PLA2G4A: variants seen among roughly 807,000 people sequenced by gnomAD.
The protein encoded by PLA2G4A is cytosolic phospholipase A2.
A neutral mutation model predicts 81.9 loss-of-function variants in PLA2G4A; 40 were observed. That is an observed-to-expected ratio of 0.49 (90% CI 0.38 to 0.64). PLA2G4A has a LOEUF of 0.64. PLA2G4A is among the 30% of genes least tolerant of loss of function. The pLI, the probability that PLA2G4A is intolerant of heterozygous loss-of-function variation, is 0.00. For synonymous variants in PLA2G4A, 302 were observed against 296.9 expected (o/e 1.02, Z -0.18); for missense variants, 715 against 905.1 (o/e 0.79, Z 2.69).
intron 15 of PLA2G4A, among the ~76,000 whole-genome samples, chr1:186,968,613 T>C (rs1431146843): frequency 6.6e-6 from 1 of 151,884 alleles, no homozygotes. Flanking sequence ...ATACTATCTC[T>C]GTATACAGAT....
chr1:186,835,386 T>C (rs936594641), intron 1 of PLA2G4A, among the ~76,000 whole-genome samples: 4 of 152,228 alleles, frequency 2.6e-5, no homozygotes, highest in African/African-American at 4.8e-5. Context: ...TTTTAAAACA[T>C]ATATTTGATG....
At chr1:186,885,876 G>A (rs1417427501) in intron 3 of PLA2G4A, among the ~76,000 whole-genome samples, 1 of 151,838 alleles carries the variant, frequency 6.6e-6, no homozygotes, top group African/African-American at 2.4e-5. Flanking sequence ...AGACAAATAA[G>A]GAAATAAAAT....
At chr1:186,857,141 A>AATATTCTATAATTAT (rs1652595480) in intron 2 of PLA2G4A, among the ~76,000 whole-genome samples, 1 of 38,382 alleles carries the variant, frequency 2.6e-5, no homozygotes, top group Non-Finnish European at 4.8e-5. Flanking sequence ...TATATTATAT[A>AATATTCTATAATTAT]ATTATATAAT....
intron 7 of PLA2G4A, among the ~76,000 whole-genome samples, chr1:186,927,495 A>C (rs1421430494): frequency 6.6e-6 from 1 of 152,190 alleles, no homozygotes; most frequent in East Asian, 1.9e-4. Context: ...TCCCCTAAAA[A>C]CTAGCCATAC....
chr1:186,912,812 A>C (rs901997698), intron 7 of PLA2G4A, among the ~76,000 whole-genome samples: 10 of 143,672 alleles, frequency 7.0e-5, no homozygotes, highest in East Asian at 2.0e-4. Context: ...ATATATATAC[A>C]TATATATGTA....
At chr1:186,950,471 T>G (rs1656516304) in intron 12 of PLA2G4A, among the ~76,000 whole-genome samples, 186 bp from the exon 13 acceptor site, 2 of 152,130 alleles carry the variant, frequency 1.3e-5, no homozygotes, top group Non-Finnish European at 2.9e-5. Context: ...AAATTTTGTT[T>G]CCAGTGAGAA....
intron 6 of PLA2G4A, among the ~76,000 whole-genome samples, chr1:186,909,961 A>T (rs911560025): frequency 6.6e-6 from 1 of 152,130 alleles, no homozygotes; most frequent in East Asian, 1.9e-4. Flanking sequence ...CCCAAAATGG[A>T]TGCATGAGAA....
intron 7 of PLA2G4A, among the ~76,000 whole-genome samples, chr1:186,922,550 A>T (rs1655390176): frequency 6.6e-6 from 1 of 152,154 alleles, no homozygotes. Context: ...TGCTCTCAGG[A>T]TCTGCTTTGC....
intron 3 of PLA2G4A, among the ~76,000 whole-genome samples, chr1:186,871,174 C>T (rs1352490229): frequency 1.3e-5 from 2 of 152,084 alleles, no homozygotes; most frequent in Non-Finnish European, 1.5e-5. Flanking sequence ...TGGTATAGGA[C>T]AGCCTGAAAT....
intron 2 of PLA2G4A, among the ~76,000 whole-genome samples, chr1:186,855,537 A>T (rs150564327): frequency 6.6e-6 from 1 of 152,166 alleles, no homozygotes; most frequent in Non-Finnish European, 1.5e-5. Flanking sequence ...ACTTGCTCAT[A>T]TACCTTCTAG....
At chr1:186,909,437 G>T (rs180933923) in intron 6 of PLA2G4A, among the ~76,000 whole-genome samples, 2 of 151,356 alleles carry the variant, frequency 1.3e-5, no homozygotes, top group East Asian at 3.9e-4. Context: ...GAAGTGGGTT[G>T]ATTACCCGAG....
chr1:186,949,527 C>T (rs1329716039), intron 12 of PLA2G4A, among the ~76,000 whole-genome samples: 1 of 151,998 alleles, frequency 6.6e-6, no homozygotes, highest in African/African-American at 2.4e-5. Context: ...TTAACATCTC[C>T]CACACCTCTG....
intron 8 of PLA2G4A, among the ~76,000 whole-genome samples, chr1:186,935,654 A>G (rs1489791784): frequency 1.3e-5 from 2 of 151,998 alleles, no homozygotes; most frequent in Non-Finnish European, 2.9e-5. Context: ...AAAGGTGGCC[A>G]GGATGATTCA....
intron 16 of PLA2G4A, among the ~76,000 whole-genome samples, chr1:186,978,029 C>G (rs1312340023): frequency 6.6e-6 from 1 of 152,228 alleles, no homozygotes; most frequent in African/African-American, 2.4e-5. Flanking sequence ...GCAAAAATCT[C>G]TGGGACTTTA....
intron 17 of PLA2G4A, among the ~76,000 whole-genome samples, chr1:186,979,929 C>CGTAACA (rs1657660568): frequency 6.8e-6 from 1 of 146,240 alleles, no homozygotes; most frequent in South Asian, 2.2e-4. Flanking sequence ...CATCACAAAA[C>CGTAACA]GTAACAGCAT....
At chr1:186,895,016 A>T (rs1654285468) in intron 5 of PLA2G4A, among the ~76,000 whole-genome samples, 1 of 151,938 alleles carries the variant, frequency 6.6e-6, no homozygotes, top group African/African-American at 2.4e-5. Flanking sequence ...ATTCACCTCA[A>T]CCTACCTCTC....
intron 2 of PLA2G4A, among the ~76,000 whole-genome samples, chr1:186,854,978 A>G (rs1652498659): frequency 1.3e-5 from 2 of 152,106 alleles, no homozygotes; most frequent in Middle Eastern, 6.8e-3. Flanking sequence ...ACTCAGGTTT[A>G]TAAGAAGTAG....
At chr1:186,943,355 G>A (rs1656225177) in intron 10 of PLA2G4A, among the ~76,000 whole-genome samples, 1 of 152,160 alleles carries the variant, frequency 6.6e-6, no homozygotes, top group Non-Finnish European at 1.5e-5. Context: ...TTCCACTGGT[G>A]AATAAACTGC....
chr1:186,922,110 C>T (rs1356665954), intron 7 of PLA2G4A, among the ~76,000 whole-genome samples: 2 of 152,138 alleles, frequency 1.3e-5, no homozygotes, highest in African/African-American at 4.8e-5. Flanking sequence ...GGTGGGCTTA[C>T]TTTGTGCCTG....
Sources: gnomAD v4.1 joint callset for allele counts (sites outside exome capture counted in the v4.1 genomes callset) on GRCh38, gnomAD v4.1.1 for gene constraint, MANE v1.5 for transcripts, NCBI Gene and HGNC (gene_info 2026-07-23, HGNC 2026-07-21) for gene names.